RET: variants seen among roughly 807,000 people sequenced by gnomAD.
RET encodes ret proto-oncogene, also known as proto-oncogene tyrosine-protein kinase receptor Ret.
Under a neutral mutation model 118.3 loss-of-function variants are expected in RET, and 19 were observed. The ratio of observed to expected loss-of-function variants is 0.16; its 90% CI spans 0.11 to 0.24. RET has a LOEUF of 0.24. Ranked by LOEUF, RET falls within the 10% of genes least tolerant of loss-of-function variation. The pLI is 1.00. For missense variants in RET, 1,219 were observed against 1,502.1 expected (o/e 0.81, Z 3.12); for synonymous variants, 597 against 644.1 (o/e 0.93, Z 1.11).
intron 17 of RET, 151 bp downstream of exon 17, chr10:43,123,959 G>T: frequency 8.1e-7 from 1 of 1,231,566 alleles, no homozygotes; most frequent in South Asian, 1.3e-5. Context: ...CCATCCTTGG[G>T]TGTGGCAGTA....
Position 43,123,302 on chromosome 10 carries a change from C to T in RET, c.2802-369C>T, listed in dbSNP as rs3026778. Among the ~76,000 whole-genome samples the T allele has an allele frequency of 7.2e-4, 109 of 152,230 alleles. 1 individual carries two copies. The highest frequency in any genetic ancestry group is 1.5e-3 in the Non-Finnish European group (99 of 68,014). ...TGAGTCTGGTGGCCTGCATTCTCACCGCTTTAAGTGTGAGAATCTTAAGAA... is the reference window on the plus strand; with the variant it reads ...TGAGTCTGGTGGCCTGCATTCTCACTGCTTTAAGTGTGAGAATCTTAAGAA... On this transcript the variant is annotated intron_variant, in intron 16 of 19. Transcript: ENST00000355710.
At chr10:43,100,955 C>A (rs1382320764) in intron 2 of RET, among the ~76,000 whole-genome samples, 1 of 152,232 alleles carries the variant, frequency 6.6e-6, no homozygotes, top group African/African-American at 2.4e-5. Flanking sequence ...CGGGAATCAT[C>A]CGGGTACACT....
rs763670106 is a variant in RET at position 43,109,061 on chromosome 10, C to T, written c.1094C>T (p.Ser365Leu). 4.2e-5 allele frequency: 67 copies of T among 1,613,478 alleles called. No homozygotes were observed. Among genetic ancestry groups the T allele is most frequent in the East Asian group, 6.7e-5 (3 of 44,886 alleles). ...RLVLNRNLSISENRTMQLAVL... is the reference protein window; with the variant it reads ...RLVLNRNLSILENRTMQLAVL... ...GTTCTCAACCGGAACCTCTCCATCT[C>T]GGAGAACCGCACCATGCAGCTGGCG... Residue 365 changes from serine to leucine, a missense_variant, in exon 6 of 20, where the codon TCG (serine) becomes TTG (leucine). Around this residue, in one of 5 missense-constraint regions of RET, gnomAD observed 850 missense variants for 969.6 expected, o/e 0.88. Coordinates refer to ENST00000355710, the MANE Select transcript of RET (RefSeq NM_020975.6).
chr10:43,093,177 C>T (rs913648785), intron 1 of RET, among the ~76,000 whole-genome samples: 2 of 152,006 alleles, frequency 1.3e-5, no homozygotes, highest in Non-Finnish European at 2.9e-5. Context: ...TGATGAGGAG[C>T]TATGTTTTAT....
intron 14 of RET, 57 bp downstream of exon 14, chr10:43,119,802 C>T (rs1047396323): frequency 2.6e-6 from 4 of 1,557,246 alleles, no homozygotes; most frequent in African/African-American, 2.7e-5. Flanking sequence ...CCCTGACCCA[C>T]CACGCCCCTG....
At chr10:43,123,094 A>T (rs1399228073) in intron 16 of RET, among the ~76,000 whole-genome samples, 1 of 152,194 alleles carries the variant, frequency 6.6e-6, no homozygotes, top group African/African-American at 2.4e-5. Flanking sequence ...TGGTGTGCAC[A>T]TGTATGCTTT....
At chr10:43,113,817 G>A in intron 10 of RET, 142 bp downstream of exon 10, 1 of 1,259,326 alleles carries the variant, frequency 7.9e-7, no homozygotes, top group Non-Finnish European at 1.1e-6. Flanking sequence ...CTGGGCCTCT[G>A]TTACTCCACC....
rs774930499 is a variant in RET, at chr10:43,120,135, A to G, written c.2662A>G (p.Met888Val). 1.9e-6 allele frequency: 3 copies of G among 1,614,048 alleles called. No individual in the cohort carries two copies. Among genetic ancestry groups the G allele is most frequent in the Non-Finnish European group, 2.5e-6 (3 of 1,180,022 alleles). ...RNILVAEGRKMKISDFGLSRD... is the reference protein window; with the variant it reads ...RNILVAEGRKVKISDFGLSRD... ...CATCCTGGTAGCTGAGGGGCGGAAG[A>G]TGAAGATTTCGGATTTCGGCTTGTC... Residue 888 changes from methionine (M) to valine (V), a missense_variant, in exon 15 of 20, where the codon ATG becomes GTG. Met to Val is a conservative substitution (Grantham distance 21, BLOSUM62 1). This residue lies in a region of RET where 73 missense variants were observed against 156.5 expected (regional missense o/e 0.47). Transcript: ENST00000355710.
In RET at chr10:43,114,630, G is replaced by A. The variant is rs536038262; in HGVS notation, c.2030G>A (p.Arg677Gln). 2.4e-5 allele frequency: 39 copies of A among 1,612,842 alleles called. No individual in the cohort carries two copies. In the South Asian group the frequency reaches 2.7e-4, roughly 11 times the overall value. ...PPISSAEMTF[R>Q]RPAQAFPVSY... is the part of the protein sequence containing the mutation. ...ATCTCCTCAGCTGAGATGACCTTCC[G>A]GAGGCCCGCCCAGGCCTTCCCGGTC... Residue 677 changes from arginine (R) to glutamine (Q), a missense_variant, in exon 11 of 20, where the codon CGG (arginine) becomes CAG (glutamine). Arg to Gln is a conservative substitution (Grantham distance 43). Transcript: ENST00000355710. This position sits in a 1 kb window ranked among gnomAD's most constrained non-coding sequence, Gnocchi z 4.6.
intron 3 of RET, chr10:43,102,937 T>G: frequency 4.4e-6 from 2 of 452,500 alleles, no homozygotes; most frequent in East Asian, 4.4e-5. Context: ...GGGAGGAAAC[T>G]GGGAAGAGGG....
intron 13 of RET, 129 bp downstream of exon 13, chr10:43,118,609 A>T: frequency 1.3e-6 from 1 of 780,334 alleles, no homozygotes; most frequent in Non-Finnish European, 2.2e-6. Flanking sequence ...CTCTTTCTGG[A>T]AGCCTGGCTC....
chr10:43,082,732 C>T (rs1388199175), intron 1 of RET, among the ~76,000 whole-genome samples: 1 of 152,222 alleles, frequency 6.6e-6, no homozygotes, highest in East Asian at 1.9e-4. Context: ...CCCTTGTGTG[C>T]CTGTGACTCC....
At chr10:43,096,151 A>G (rs1374008914) in intron 1 of RET, among the ~76,000 whole-genome samples, 3 of 151,954 alleles carry the variant, frequency 2.0e-5, no homozygotes, top group Non-Finnish European at 2.9e-5. Flanking sequence ...GGGGTGGGAA[A>G]AGCTTTGTAA....
chr10:43,119,854 T>G (rs1349047074), intron 14 of RET, 109 bp downstream of exon 14: 1 of 1,321,320 alleles, frequency 7.6e-7, no homozygotes, highest in South Asian at 1.2e-5. Context: ...CATGCCACAC[T>G]CTAGCCCACC....
intron 1 of RET, among the ~76,000 whole-genome samples, chr10:43,080,177 T>G (rs1864410): frequency 0.79 from 120,568 of 152,230 alleles, 48,801 homozygotes; most frequent in African/African-American, 0.95. Flanking sequence ...TTTTAGCCAG[T>G]GGAGGAGAAA....
intron 5 of RET, among the ~76,000 whole-genome samples, chr10:43,107,559 T>TCACACACACACA (rs59876947): frequency 1.2e-4 from 17 of 140,822 alleles, no homozygotes; most frequent in South Asian, 4.9e-4. Flanking sequence ...CCCCCATGCC[T>TCACACACACACA]CACACACACA....
intron 1 of RET, among the ~76,000 whole-genome samples, chr10:43,091,410 C>G (rs890705622): frequency 1.3e-5 from 2 of 152,008 alleles, no homozygotes; most frequent in Non-Finnish European, 1.5e-5. Flanking sequence ...AGGCAGATCA[C>G]TTGAGGTCAG....
chr10:43,102,216 T>C, intron 2 of RET, 126 bp from the exon 3 acceptor site: 2 of 1,229,536 alleles, frequency 1.6e-6, no homozygotes, highest in South Asian at 1.2e-5. Context: ...GGAACACCAG[T>C]CTGAGCCTTG....
chr10:43,108,535 G>A (rs1441802399), intron 5 of RET, among the ~76,000 whole-genome samples: 1 of 152,156 alleles, frequency 6.6e-6, no homozygotes, highest in Non-Finnish European at 1.5e-5. Context: ...CTGCCTTCCT[G>A]TCATGGCCCA....
Sources: gnomAD v4.1 joint callset for allele counts (sites outside exome capture counted in the v4.1 genomes callset) on GRCh38, gnomAD v4.1.1 for gene constraint, gnomAD v4.1.1 regional missense constraint, Gnocchi (gnomAD v3.1) non-coding constraint, MANE v1.5 for transcripts, NCBI Gene and HGNC (gene_info 2026-07-23, HGNC 2026-07-21) for gene names.